CDH12: variants seen among roughly 807,000 people sequenced by gnomAD.
CDH12 encodes the protein cadherin 12.
In CDH12, 41 loss-of-function variants were observed where a neutral mutation model predicts 74.1. That is an observed-to-expected ratio of 0.55 (90% CI 0.43 to 0.72). CDH12 has a LOEUF of 0.72. Among genes scored for constraint, CDH12 ranks in the 30% least tolerant of loss-of-function variants. The probability of loss-of-function intolerance (pLI) is 0.00; values close to 1 mark genes in which losing one functional copy is unlikely to be tolerated. For synonymous variants in CDH12, 399 were observed against 355.0 expected, an observed-to-expected ratio of 1.12 and a Z score of -1.39; for missense variants, 945 against 977.2, an observed-to-expected ratio of 0.97 and a Z score of 0.44.
At chr5:22,107,879 G>A (rs927044935) in intron 4 of CDH12, among the ~76,000 whole-genome samples, 1 of 152,074 alleles carries the variant, frequency 6.6e-6, no homozygotes, top group African/African-American at 2.4e-5. Context: ...AAGCAGCAGG[G>A]ATATAAAATG....
chr5:21,788,117 C>G (rs973785905), intron 10 of CDH12, among the ~76,000 whole-genome samples: 1 of 152,136 alleles, frequency 6.6e-6, no homozygotes. Context: ...TGATGCCCAT[C>G]AGTGAAGACT....
chr5:22,198,784 C>G (rs1389181231), intron 4 of CDH12, among the ~76,000 whole-genome samples: 2 of 152,002 alleles, frequency 1.3e-5, no homozygotes, highest in Non-Finnish European at 2.9e-5. Context: ...AATGCAAAAC[C>G]TATGAAACAT....
chr5:22,289,613 G>A (rs2150412206), intron 3 of CDH12, among the ~76,000 whole-genome samples: 1 of 152,250 alleles, frequency 6.6e-6, no homozygotes, highest in South Asian at 2.1e-4. Flanking sequence ...AGAAATCCAA[G>A]TGGGAGATCA....
chr5:22,838,674 T>C (rs1335712417), intron 1 of CDH12, among the ~76,000 whole-genome samples: 1 of 151,640 alleles, frequency 6.6e-6, no homozygotes, highest in African/African-American at 2.4e-5. Context: ...TGTGTGTGTG[T>C]GTGTGTGTGT....
At chr5:22,818,977 T>C (rs1258534407) in intron 1 of CDH12, among the ~76,000 whole-genome samples, 1 of 152,148 alleles carries the variant, frequency 6.6e-6, no homozygotes, top group Non-Finnish European at 1.5e-5. Flanking sequence ...TTCAAGGTAA[T>C]TGTTTATCAT....
chr5:22,257,542 C>T (rs1222174046), intron 3 of CDH12, among the ~76,000 whole-genome samples: 2 of 151,292 alleles, frequency 1.3e-5, no homozygotes, highest in Non-Finnish European at 2.9e-5. Context: ...CTCTATTGCC[C>T]AGCCTAGCGT....
intron 3 of CDH12, among the ~76,000 whole-genome samples, chr5:22,388,262 C>T (rs1742086483): frequency 6.6e-6 from 1 of 151,870 alleles, no homozygotes; most frequent in Non-Finnish European, 1.5e-5. Flanking sequence ...TTAGAATAGA[C>T]ACAATAGAAA....
chr5:22,631,646 C>A (rs1480577603), intron 1 of CDH12, among the ~76,000 whole-genome samples: 2 of 152,050 alleles, frequency 1.3e-5, no homozygotes, highest in African/African-American at 2.4e-5. Context: ...ACTCCTGAGA[C>A]TGGGTAACTT....
At chr5:22,202,167 C>CT (rs1351747930) in intron 4 of CDH12, among the ~76,000 whole-genome samples, 53,447 of 81,086 alleles carry the variant, frequency 0.66, 14,936 homozygotes, top group South Asian at 0.71. Context: ...TCCTTCCTTC[C>CT]TCCCTTCCTT....
intron 6 of CDH12, among the ~76,000 whole-genome samples, chr5:21,967,413 T>TA (rs1756634477): frequency 6.6e-6 from 1 of 152,200 alleles, no homozygotes. Flanking sequence ...AAGCAGTTTT[T>TA]ATAAGACATA....
At chr5:22,826,170 T>C (rs1736313924) in intron 1 of CDH12, among the ~76,000 whole-genome samples, 1 of 151,970 alleles carries the variant, frequency 6.6e-6, no homozygotes, top group South Asian at 2.1e-4. Flanking sequence ...TGGGGCTGGG[T>C]CTTTCTTGTG....
intron 3 of CDH12, among the ~76,000 whole-genome samples, chr5:22,258,713 A>T (rs1171008600): frequency 6.6e-6 from 1 of 152,072 alleles, no homozygotes; most frequent in African/African-American, 2.4e-5. Context: ...CTCTATGTTT[A>T]GATATTTTTA....
At chr5:22,080,038 T>C (rs1742613688) in intron 4 of CDH12, among the ~76,000 whole-genome samples, 1 of 152,172 alleles carries the variant, frequency 6.6e-6, no homozygotes, top group Non-Finnish European at 1.5e-5. Context: ...AACGTGGCTC[T>C]AGAACAAGGG....
At chr5:22,661,465 A>T (rs1740345024) in intron 1 of CDH12, among the ~76,000 whole-genome samples, 1 of 152,150 alleles carries the variant, frequency 6.6e-6, no homozygotes, top group African/African-American at 2.4e-5. Flanking sequence ...TACAGAGACT[A>T]TTTTTTAGGA....
Position 22,166,218 on chromosome 5 carries a change from G to A in CDH12, c.-187+46280C>T, listed in dbSNP as rs1282776080. Reference sequence around the variant, plus strand: ...CCTATCTTACACTGTTAGAATGCAAGTTTCAGATATGCAAGGATATTTATC... The same window carrying A: ...CCTATCTTACACTGTTAGAATGCAAATTTCAGATATGCAAGGATATTTATC... On this transcript the variant is annotated intron_variant, in intron 4 of 14. Transcript: ENST00000382254. Among the ~76,000 whole-genome samples, 17 of 152,118 alleles carry A rather than the reference G, an allele frequency of 1.1e-4. 3 individuals are homozygous for A. Among genetic ancestry groups the A allele is most frequent in the African/African-American group, 3.4e-4 (14 of 41,454 alleles).
rs528969332 is a variant in CDH12, at chr5:22,790,064, T to C, written c.-523+62994A>G. On this transcript the variant is annotated intron_variant, in intron 1 of 14. Coordinates refer to ENST00000382254, the MANE Select transcript of CDH12 (RefSeq NM_004061.5). ...GGTAACATACAGAATCAGCCTGCTT[T>C]TAAGTCAAGTGATGATGTGGCTCAT... Among the ~76,000 whole-genome samples, 370 of 152,186 alleles carry C rather than the reference T, an allele frequency of 2.4e-3. 2 individuals carry two copies. Among genetic ancestry groups the C allele is most frequent in the South Asian group, 5.2e-3 (25 of 4,828 alleles).
In CDH12 at chr5:21,842,242, G is replaced by A; in HGVS notation, c.733C>T (p.Gln245Ter). Reference sequence around the variant, plus strand: ...GTTGTTCCGGCTAATCCTCCAAGCTGTCCTCCCATATCCTTGGCTTGGATG... The same window carrying A: ...GTTGTTCCGGCTAATCCTCCAAGCTATCCTCCCATATCCTTGGCTTGGATG... ...VLIQAKDMGG[Q>*]LGGLAGTTIV... Residue 245 changes from glutamine (Q) to a stop codon, truncating the protein, a stop_gained, in exon 8 of 15, where the codon CAG becomes TAG. Transcript: ENST00000382254. LOFTEE classifies it high-confidence loss of function. 6.2e-7 allele frequency: 1 copy of A among 1,613,114 alleles called. No individual in the cohort carries two copies. The highest frequency in any genetic ancestry group is 1.3e-5 in the African/African-American group (1 of 74,972).
At chr5:22,482,330 G>A (rs536543718) in intron 2 of CDH12, among the ~76,000 whole-genome samples, 2 of 152,186 alleles carry the variant, frequency 1.3e-5, no homozygotes, top group South Asian at 4.1e-4. Context: ...GGACCTCACA[G>A]CATGCTTGAC....
intron 3 of CDH12, among the ~76,000 whole-genome samples, chr5:22,221,182 T>G (rs1196354861): frequency 2.6e-5 from 4 of 151,964 alleles, no homozygotes; most frequent in African/African-American, 9.7e-5. Flanking sequence ...AAGGATTATT[T>G]TATTTTGTTT....
Sources: gnomAD v4.1 joint callset for allele counts (sites outside exome capture counted in the v4.1 genomes callset) on GRCh38, gnomAD v4.1.1 for gene constraint, MANE v1.5 for transcripts, NCBI Gene and HGNC (gene_info 2026-07-23, HGNC 2026-07-21) for gene names.